Variants in CCDC92B observed in about 807,000 individuals in gnomAD.
The protein encoded by CCDC92B is coiled-coil domain containing 92B, also known as coiled-coil domain-containing 92B.
Under a neutral mutation model 5.6 loss-of-function variants are expected in CCDC92B, and 2 were observed. The observed-to-expected ratio is 0.36, with a 90% CI of 0.15 to 1.12. CCDC92B has a LOEUF of 1.12. Among genes scored for constraint, CCDC92B ranks in the 50% most tolerant of loss-of-function variants. CCDC92B has a pLI of 0.40. For missense variants in CCDC92B, 271 were observed against 262.2 expected (o/e 1.03, Z -0.23); for synonymous variants, 115 against 122.3 (o/e 0.94, Z 0.39).
At chr17:2,728,006 T>C (rs553848377) in intron 3 of CCDC92B, among the ~76,000 whole-genome samples, 63 of 151,624 alleles carry the variant, frequency 4.2e-4, no homozygotes, top group African/African-American at 1.5e-3. Context: ...CAAGATCCTG[T>C]CTCTAAAAAA....
At chr17:2,740,944 TGACA>T (rs1196690317) in intron 1 of CCDC92B, among the ~76,000 whole-genome samples, 1 of 110,282 alleles carries the variant, frequency 9.1e-6, no homozygotes, top group Admixed American at 1.4e-4. Context: ...TCAGTCCTGG[TGACA>T]GACAAAGACC....
chr17:2,744,248 C>T (rs761557697), intron 1 of CCDC92B, among the ~76,000 whole-genome samples: 2 of 150,568 alleles, frequency 1.3e-5, no homozygotes, highest in African/African-American at 2.5e-5. Flanking sequence ...AGGCTGACCT[C>T]GAACTTCTAG....
At position 2,739,089 on chromosome 17, in the gene CCDC92B, C is replaced by CT. The variant is rs370857947; in HGVS notation, c.-23-3922_-23-3921insA. On this transcript the variant is annotated intron_variant, in intron 1 of 3. Coordinates refer to ENST00000614400, the MANE Select transcript of CCDC92B (RefSeq NM_001355573.2). ...CTGTCTCAAAAATAAATAAATAGGG[C>CT]GGGCGCAATGGCTCACGCCTGTAAT... Among the ~76,000 whole-genome samples, 753 of 149,526 alleles carry CT rather than the reference C, an allele frequency of 5.0e-3. 11 individuals carry two copies. Among genetic ancestry groups the CT allele is most frequent in the African/African-American group, 0.018 (714 of 40,452 alleles).
intron 3 of CCDC92B, among the ~76,000 whole-genome samples, chr17:2,728,345 T>A (rs561058600): frequency 6.7e-6 from 1 of 149,070 alleles, no homozygotes; most frequent in South Asian, 2.1e-4. Context: ...CGGTGGCTCA[T>A]GCCTGTAATC....
chr17:2,727,596 T>C lies in CCDC92B; in HGVS notation c.179-2596A>G, dbSNP rs946383064. ...ATCCCAGCACTTTGGGAGGCCAAGG[T>C]GGGCGGATCACAAGGTCAGGAGTTC... On this transcript the variant is annotated intron_variant, in intron 3 of 3. Coordinates refer to ENST00000614400, the MANE Select transcript of CCDC92B (RefSeq NM_001355573.2). Among the ~76,000 whole-genome samples, 30 of 151,256 alleles carry C rather than the reference T, an allele frequency of 2.0e-4. No homozygotes were observed. The East Asian group carries it at 2.6e-3, about 13-fold the overall frequency.
chr17:2,726,127 C>T lies in CCDC92B; in HGVS notation c.179-1127G>A, dbSNP rs530390144. On this transcript the variant is annotated intron_variant, in intron 3 of 3. Transcript: ENST00000614400. Reference sequence around the variant, plus strand: ...TCTCGTGCCTCAGCCTCCCAAGTAGCTGGGATTACAGGTGCACACCACCAC... The same window carrying T: ...TCTCGTGCCTCAGCCTCCCAAGTAGTTGGGATTACAGGTGCACACCACCAC... Among the ~76,000 whole-genome samples, 5 of 150,202 alleles carry T rather than the reference C, an allele frequency of 3.3e-5. No individual in the cohort carries two copies. In the East Asian group the frequency reaches 9.9e-4, roughly 30 times the overall value.
intron 3 of CCDC92B, among the ~76,000 whole-genome samples, chr17:2,725,903 A>G (rs1309802412): frequency 2.6e-5 from 4 of 151,606 alleles, no homozygotes; most frequent in Non-Finnish European, 4.4e-5. Flanking sequence ...GTAAAAGTCC[A>G]GAGAGCAAGG....
At chr17:2,730,308 C>T (rs1567612589) in intron 3 of CCDC92B, 138 bp downstream of exon 3, 1 of 295,042 alleles carries the variant, frequency 3.4e-6, no homozygotes, top group Non-Finnish European at 5.0e-6. Context: ...TGACATCCTG[C>T]ACTCTGCTCA....
Position 2,730,483 on chromosome 17 carries a change from ATGGGTCAGTTC to A in CCDC92B, c.131-1_140del. Reference sequence around the variant, plus strand: ...ATTGGGCCTCTCTCATTTCCAGGTCATGGGTCAGTTCTGGGGGGAAAGAAAAGAAAAGGCAG... The same window carrying A: ...ATTGGGCCTCTCTCATTTCCAGGTCATGGGGGGAAAGAAAAGAAAAGGCAG... On this transcript the variant is annotated splice_acceptor_variant and coding_sequence_variant, in exon 3 of 4. Coordinates refer to ENST00000614400, the MANE Select transcript of CCDC92B (RefSeq NM_001355573.2). LOFTEE classifies it high-confidence loss of function. The A allele has an allele frequency of 2.1e-6, 2 of 975,558 alleles. No individual in the cohort carries two copies. Among genetic ancestry groups the A allele is most frequent in the Non-Finnish European group, 2.4e-6 (2 of 828,100 alleles). The allele number at this position is 975,558 out of a possible 1,614,324, so 60.4% of individuals were successfully genotyped here.
chr17:2,727,891 G>C (rs1201861661), intron 3 of CCDC92B, among the ~76,000 whole-genome samples: 1 of 151,904 alleles, frequency 6.6e-6, no homozygotes, highest in Admixed American at 6.6e-5. Flanking sequence ...ACTCATCCCA[G>C]TGACTCAGGG....
chr17:2,733,841 C>G (rs539755529), intron 2 of CCDC92B, among the ~76,000 whole-genome samples: 1 of 144,036 alleles, frequency 6.9e-6, no homozygotes, highest in Admixed American at 7.4e-5. Flanking sequence ...TCACCACAAC[C>G]TCTGCCTCCC....
rs2070648028 is a variant in CCDC92B at position 2,721,005 on chromosome 17, GC to G, written c.*3405del. 1 of 152,206 alleles carries G rather than the reference GC, an allele frequency of 6.6e-6. No individual in the cohort carries two copies. The highest frequency in any genetic ancestry group is 1.9e-4 in the East Asian group (1 of 5,188). The allele number at this position is 152,206 out of a possible 1,614,324, so 9.4% of individuals were successfully genotyped here. A position where few individuals can be genotyped will look rare whatever the true frequency, so the allele number is the denominator to read the frequency against. ...AAGCCCTGCACATCCCCCATTCAAG[GC>G]TGGCATGTCCAGGAGAAGGTGCTTG... On this transcript the variant is annotated 3_prime_UTR_variant, in exon 4 of 4. Transcript: ENST00000614400.
chr17:2,744,195 TC>T (rs750985392), intron 1 of CCDC92B, among the ~76,000 whole-genome samples: 34 of 147,854 alleles, frequency 2.3e-4, no homozygotes, highest in Admixed American at 4.0e-4. Flanking sequence ...TTTTTTTTTT[TC>T]ATTTTTTATT....
In CCDC92B at chr17:2,724,809, T is replaced by C. The variant is rs1413726423; in HGVS notation, c.370A>G (p.Thr124Ala). ...EELRRRSHRA[T>A]VLGTELQKHT... Reference sequence around the variant, plus strand: ...TTCTGCAGCTCGGTGCCCAGCACGGTGGCGCGGTGGCTGCGGCGGCGCAGC... The same window carrying C: ...TTCTGCAGCTCGGTGCCCAGCACGGCGGCGCGGTGGCTGCGGCGGCGCAGC... The change falls in exon 4 of 4, where the codon ACC (threonine) becomes GCC (alanine). Residue 124 changes from threonine to alanine, a missense_variant. Physicochemically the swap from Thr to Ala is moderately conservative, Grantham distance 58. Coordinates refer to ENST00000614400, the MANE Select transcript of CCDC92B (RefSeq NM_001355573.2). The surrounding 1 kb of genome is among the most constrained non-coding windows in gnomAD (Gnocchi z 5.0). The C allele has an allele frequency of 4.1e-6, 4 of 984,280 alleles. No homozygotes were observed. The African/African-American group carries it at 5.3e-5, about 13-fold the overall frequency. 61.0% of individuals were successfully genotyped at this position (984,280 alleles called of 1,614,324 possible).
At chr17:2,728,404 T>A (rs112391223) in intron 3 of CCDC92B, among the ~76,000 whole-genome samples, 7 of 151,532 alleles carry the variant, frequency 4.6e-5, no homozygotes, top group African/African-American at 1.2e-4. Flanking sequence ...TCAGGAGATC[T>A]AGACCATCCT....
rs1037315039 is a variant in CCDC92B, at chr17:2,724,196, G to T, written c.*215C>A. Reference sequence around the variant, plus strand: ...GGTGCCCCCGCTCGGCCCCGCGGAGGAACTCTCGCGCGAGGAGAGGGCTCG... The same window carrying T: ...GGTGCCCCCGCTCGGCCCCGCGGAGTAACTCTCGCGCGAGGAGAGGGCTCG... On this transcript the variant is annotated 3_prime_UTR_variant, in exon 4 of 4. Coordinates refer to ENST00000614400, the MANE Select transcript of CCDC92B (RefSeq NM_001355573.2). This position sits in a 1 kb window ranked among gnomAD's most constrained non-coding sequence, Gnocchi z 5.0. 2.2e-5 allele frequency: 22 copies of T among 985,198 alleles called. No individual in the cohort carries two copies. Among genetic ancestry groups the T allele is most frequent in the Non-Finnish European group, 1.2e-6 (1 of 829,892 alleles). The allele number at this position is 985,198 out of a possible 1,614,324, so 61.0% of individuals were successfully genotyped here.
intron 3 of CCDC92B, among the ~76,000 whole-genome samples, chr17:2,727,578 C>T (rs145182823): frequency 7.9e-4 from 121 of 152,368 alleles, no homozygotes; most frequent in African/African-American, 2.8e-3. Context: ...GTAATCCCAG[C>T]ACTTTGGGAG....
intron 1 of CCDC92B, among the ~76,000 whole-genome samples, chr17:2,746,476 C>T (rs78179117): frequency 0.032 from 4,932 of 152,220 alleles, 246 homozygotes; most frequent in African/African-American, 0.11. Context: ...CTTCTGTGCT[C>T]AGGTCCCCAA....
intron 1 of CCDC92B, among the ~76,000 whole-genome samples, chr17:2,735,794 G>T (rs991881053): frequency 6.6e-6 from 1 of 152,180 alleles, no homozygotes; most frequent in Non-Finnish European, 1.5e-5. Context: ...AAAGTCAGTA[G>T]AGAGACAGAG....
Sources: allele counts gnomAD v4.1 joint callset (sites outside exome capture counted in the v4.1 genomes callset), GRCh38; gene constraint gnomAD v4.1.1; non-coding constraint Gnocchi (gnomAD v3.1); transcripts MANE v1.5; gene names NCBI Gene and HGNC (gene_info 2026-07-23, HGNC 2026-07-21).